The following TFCP2 variants were observed in gnomAD, a reference collection of about 807,000 sequenced individuals.
The protein encoded by TFCP2 is alpha-globin transcription factor CP2.
Under a neutral mutation model 73.4 loss-of-function variants are expected in TFCP2, and 33 were observed. The ratio of observed to expected loss-of-function variants is 0.45; its 90% CI spans 0.34 to 0.60. TFCP2 has a LOEUF of 0.60. Among genes scored for constraint, TFCP2 ranks in the 20% least tolerant of loss-of-function variants. The pLI is 0.01. For missense variants in TFCP2, 352 were observed against 604.0 expected, an observed-to-expected ratio of 0.58 and a Z score of 4.37; for synonymous variants, 193 against 211.6, an observed-to-expected ratio of 0.91 and a Z score of 0.76.
chr12:51,139,020 G>C (rs953597318), intron 1 of TFCP2, among the ~76,000 whole-genome samples: 2 of 152,174 alleles, frequency 1.3e-5, no homozygotes, highest in African/African-American at 4.8e-5. Context: ...TAGACCTGAT[G>C]ATGCAATCAA....
intron 3 of TFCP2, among the ~76,000 whole-genome samples, chr12:51,117,020 G>A (rs534319597): frequency 3.9e-5 from 6 of 152,228 alleles, no homozygotes; most frequent in Non-Finnish European, 5.9e-5. Context: ...TGTCTGAAGC[G>A]TTTCTGCACA....
chr12:51,094,796 A>C lies in TFCP2; in HGVS notation c.*445T>G, dbSNP rs181622826. On this transcript the variant is annotated 3_prime_UTR_variant, in exon 15 of 15. Transcript: ENST00000257915. The stretch of plus-strand genomic sequence containing the variant: ...AACTGTGGCAAAAAGCAGAGATACC[A>C]GTACATTTGAGACCAGTACAAAGAG... 312 of 155,206 alleles carry C rather than the reference A, an allele frequency of 2.0e-3. 1 individual carries two copies. Among genetic ancestry groups the C allele is most frequent in the African/African-American group, 7.0e-3 (291 of 41,688 alleles). 9.6% of individuals were successfully genotyped at this position (155,206 alleles called of 1,614,324 possible).
At chr12:51,165,219 A>T (rs555348689) in intron 1 of TFCP2, among the ~76,000 whole-genome samples, 2 of 152,192 alleles carry the variant, frequency 1.3e-5, no homozygotes, top group Admixed American at 6.6e-5. Context: ...GAAAACTATA[A>T]ACCAATATCC....
At chr12:51,097,533 A>C (rs981577109) in intron 13 of TFCP2, among the ~76,000 whole-genome samples, 1 of 152,182 alleles carries the variant, frequency 6.6e-6, no homozygotes, top group African/African-American at 2.4e-5. Context: ...GGCATGAGCC[A>C]TTGCGCCTGG....
chr12:51,107,459 T>A, intron 6 of TFCP2, 113 bp from the exon 7 acceptor site: 1 of 789,218 alleles, frequency 1.3e-6, no homozygotes, highest in Non-Finnish European at 2.2e-6. Context: ...TGCAGTGATG[T>A]AAAGGCAAGA....
At chr12:51,101,611 A>C (rs1940111226) in intron 11 of TFCP2, among the ~76,000 whole-genome samples, 1 of 152,028 alleles carries the variant, frequency 6.6e-6, no homozygotes, top group South Asian at 2.1e-4. Context: ...TAGAAAGTAA[A>C]CTCCCTAACA....
chr12:51,121,034 T>A (rs1377197127), intron 1 of TFCP2, among the ~76,000 whole-genome samples: 1 of 147,052 alleles, frequency 6.8e-6, no homozygotes, highest in Non-Finnish European at 1.5e-5. Context: ...ACAGTAAAGT[T>A]TTTTTTAAAA....
At chr12:51,136,959 CA>C (rs1240533247) in intron 1 of TFCP2, among the ~76,000 whole-genome samples, 3 of 151,742 alleles carry the variant, frequency 2.0e-5, no homozygotes, top group East Asian at 3.9e-4. Flanking sequence ...CAAACAGCAA[CA>C]AAAAAAACTA....
rs1484559198 is a variant in TFCP2, at chr12:51,109,281, G to A, written c.565-8C>T. Reference sequence around the variant, plus strand: ...TGTGCTAATACAGTGCACCTGAAAAGAATACAACAGCAAGGCTTCAGTACC... The same window carrying A: ...TGTGCTAATACAGTGCACCTGAAAAAAATACAACAGCAAGGCTTCAGTACC... On this transcript the variant is annotated splice_polypyrimidine_tract_variant and splice_region_variant and intron_variant, in intron 5 of 14. Transcript: ENST00000257915. 10 of 1,613,872 alleles carry A rather than the reference G, an allele frequency of 6.2e-6. No homozygotes were observed. In the Admixed American group the frequency reaches 1.7e-4, roughly 27 times the overall value.
At chr12:51,154,356 TAAC>T (rs1209694742) in intron 1 of TFCP2, among the ~76,000 whole-genome samples, 5 of 152,138 alleles carry the variant, frequency 3.3e-5, no homozygotes, top group African/African-American at 4.8e-5. Context: ...AGTAAGAGAT[TAAC>T]AACAACTAAA....
intron 1 of TFCP2, among the ~76,000 whole-genome samples, chr12:51,149,041 A>AAAAAAAAAAAAAAC (rs1941364306): frequency 1.4e-5 from 2 of 148,010 alleles, no homozygotes; most frequent in Non-Finnish European, 3.0e-5. Flanking sequence ...AAAAAAAAAA[A>AAAAAAAAAAAAAAC]CAGAAAGAAA....
At chr12:51,134,285 C>T (rs745872900) in intron 1 of TFCP2, among the ~76,000 whole-genome samples, 1 of 152,022 alleles carries the variant, frequency 6.6e-6, no homozygotes, top group East Asian at 1.9e-4. Flanking sequence ...GGTATTTTTT[C>T]TTTTTTCTTT....
At chr12:51,171,083 A>G (rs759738709) in intron 1 of TFCP2, among the ~76,000 whole-genome samples, 1 of 152,226 alleles carries the variant, frequency 6.6e-6, no homozygotes, top group Non-Finnish European at 1.5e-5. Context: ...TCTCATTATC[A>G]GAATGAAAAA....
At chr12:51,151,173 A>G (rs1218889877) in intron 1 of TFCP2, among the ~76,000 whole-genome samples, 1 of 152,196 alleles carries the variant, frequency 6.6e-6, no homozygotes, top group Non-Finnish European at 1.5e-5. Context: ...CCCTAAGACC[A>G]GGTGCGGCTG....
intron 13 of TFCP2, among the ~76,000 whole-genome samples, chr12:51,097,297 G>A (rs1212020954): frequency 6.6e-6 from 1 of 151,670 alleles, no homozygotes; most frequent in Admixed American, 6.6e-5. Flanking sequence ...CGCCTAGGCT[G>A]GAGTGCGGTG....
intron 10 of TFCP2, 47 bp from the exon 11 acceptor site, chr12:51,102,072 T>C (rs1476290336): frequency 7.8e-7 from 1 of 1,283,278 alleles, no homozygotes; most frequent in South Asian, 1.2e-5. Flanking sequence ...AGATTCTCTT[T>C]GTTAATGACT....
chr12:51,109,175 G>A lies in TFCP2; in HGVS notation c.663C>T (p.Asn221=), dbSNP rs763123343. ...AGTGTAAGTGCTCAGTATATTCCCC[G>A]TTTTCATTCTCCTTGAAGGTATCTA... The part of the protein sequence containing the change: ...VQIDTFKENE[N]GEYTEHLHSA... The change falls in exon 6 of 15, where the codon AAC becomes AAT. Residue 221 remains asparagine (N), a synonymous_variant. Coordinates refer to ENST00000257915, the MANE Select transcript of TFCP2 (RefSeq NM_005653.5). 79 of 1,613,978 alleles carry A rather than the reference G, an allele frequency of 4.9e-5. No homozygotes were observed. Among genetic ancestry groups the A allele is most frequent in the South Asian group, 1.2e-4 (11 of 91,090 alleles).
intron 1 of TFCP2, among the ~76,000 whole-genome samples, chr12:51,120,129 G>A (rs1030263626): frequency 2.3e-5 from 3 of 131,170 alleles, no homozygotes; most frequent in Non-Finnish European, 4.6e-5. Flanking sequence ...AGTGAGCCGA[G>A]ATCGTGGCAC....
At chr12:51,137,198 C>T (rs1566219527) in intron 1 of TFCP2, among the ~76,000 whole-genome samples, 3 of 152,140 alleles carry the variant, frequency 2.0e-5, no homozygotes, top group Non-Finnish European at 4.4e-5. Context: ...TTATGTACAT[C>T]TCAAAGTTTA....
Sources: gnomAD v4.1 joint callset for allele counts (sites outside exome capture counted in the v4.1 genomes callset) on GRCh38, gnomAD v4.1.1 for gene constraint, MANE v1.5 for transcripts, NCBI Gene and HGNC (gene_info 2026-07-23, HGNC 2026-07-21) for gene names.